MEOX2: variants seen among roughly 807,000 people sequenced by gnomAD.
MEOX2 encodes the protein mesenchyme homeobox 2.
Under a neutral mutation model 27.0 loss-of-function variants are expected in MEOX2, and 11 were observed. That is an observed-to-expected ratio of 0.41 (90% CI 0.26 to 0.68). The LOEUF is 0.68. MEOX2 is among the 30% of genes least tolerant of loss of function. The probability of loss-of-function intolerance (pLI) is 0.33; values close to 1 mark genes in which losing one functional copy is unlikely to be tolerated. For missense variants in MEOX2, 436 were observed against 385.4 expected (o/e 1.13, Z -1.10); for synonymous variants, 189 against 155.4 (o/e 1.22, Z -1.61).
At chr7:15,638,562 G>A (rs1035699108) in intron 1 of MEOX2, among the ~76,000 whole-genome samples, 20 of 152,058 alleles carry the variant, frequency 1.3e-4, no homozygotes, top group African/African-American at 4.6e-4. Flanking sequence ...TTGCATAATC[G>A]TAAGGTTTGG....
At chr7:15,634,680 G>C (rs1007682191) in intron 1 of MEOX2, among the ~76,000 whole-genome samples, 2 of 151,858 alleles carry the variant, frequency 1.3e-5, no homozygotes, top group Admixed American at 6.6e-5. Context: ...TTTTAGGAAT[G>C]ACCAACATGA....
At chr7:15,639,897 A>G (rs1209667593) in intron 1 of MEOX2, among the ~76,000 whole-genome samples, 1 of 151,850 alleles carries the variant, frequency 6.6e-6, no homozygotes, top group East Asian at 1.9e-4. Context: ...GTAATGTCAT[A>G]TCCCCAGTTT....
intron 1 of MEOX2, among the ~76,000 whole-genome samples, chr7:15,632,139 A>G (rs2389537): frequency 0.78 from 117,645 of 151,556 alleles, 45,883 homozygotes; most frequent in East Asian, 0.89. Flanking sequence ...TTTCCTTGGC[A>G]TTGCATTGCA....
At chr7:15,621,873 C>T (rs186859922) in intron 2 of MEOX2, among the ~76,000 whole-genome samples, 4 of 152,178 alleles carry the variant, frequency 2.6e-5, no homozygotes, top group African/African-American at 9.7e-5. Flanking sequence ...AATCTCAGCA[C>T]TTTGGGAGGC....
In MEOX2 at chr7:15,686,461, C is replaced by T. The variant is rs1782388332; in HGVS notation, c.-59G>A. The T allele has an allele frequency of 3.5e-6, 5 of 1,431,494 alleles. No homozygotes were observed. In the East Asian group the frequency reaches 1.3e-4, roughly 36 times the overall value. The allele number at this position is 1,431,494 out of a possible 1,614,324, so 88.7% of individuals were successfully genotyped here. ...TCACGGCGGTTCCAAAGGCCACCAC[C>T]CTCTGTCACTTTTTCACTGGAAACC... On this transcript the variant is annotated 5_prime_UTR_variant, in exon 1 of 3. Transcript: ENST00000262041.
chr7:15,615,380 G>GTT (rs1245768716), intron 2 of MEOX2, among the ~76,000 whole-genome samples: 1 of 150,956 alleles, frequency 6.6e-6, no homozygotes, highest in Non-Finnish European at 1.5e-5. Flanking sequence ...TTGTTTGTTT[G>GTT]TTTTGGTTCC....
intron 1 of MEOX2, among the ~76,000 whole-genome samples, chr7:15,661,776 C>A (rs1197031350): frequency 6.6e-6 from 1 of 152,124 alleles, no homozygotes; most frequent in Non-Finnish European, 1.5e-5. Context: ...CGTTCAAAAC[C>A]TAAGCCTGTG....
rs771904895 is a variant in MEOX2, at chr7:15,626,710, T to TA, written c.690+35dup. On this transcript the variant is annotated intron_variant, in intron 2 of 2. Coordinates refer to ENST00000262041, the MANE Select transcript of MEOX2 (RefSeq NM_005924.5). ...AAGAAGACTGTGGACCCAGGGCAAT[T>TA]AAAAAAGATCATATAATGATAATGC... 5 of 1,525,058 alleles carry TA rather than the reference T, an allele frequency of 3.3e-6. No homozygotes were observed. The East Asian group carries it at 9.1e-5, about 28-fold the overall frequency. The allele number at this position is 1,525,058 out of a possible 1,614,324, so 94.5% of individuals were successfully genotyped here.
chr7:15,654,886 A>C (rs1413874357), intron 1 of MEOX2, among the ~76,000 whole-genome samples: 1 of 151,710 alleles, frequency 6.6e-6, no homozygotes, highest in African/African-American at 2.4e-5. Context: ...TATTACAATA[A>C]TACTATCTTT....
At chr7:15,633,703 A>G (rs1448871000) in intron 1 of MEOX2, among the ~76,000 whole-genome samples, 2 of 151,826 alleles carry the variant, frequency 1.3e-5, no homozygotes, top group African/African-American at 4.8e-5. Flanking sequence ...AGTCGCTTTA[A>G]TGTATTTTTA....
At chr7:15,680,352 C>T (rs773592489) in intron 1 of MEOX2, 8 of 151,844 alleles carry the variant, frequency 5.3e-5, no homozygotes, top group South Asian at 2.1e-4. Flanking sequence ...GTAAGTAAAA[C>T]GGGAAGAACT....
chr7:15,666,370 G>C (rs1414281810), intron 1 of MEOX2, among the ~76,000 whole-genome samples: 2 of 152,084 alleles, frequency 1.3e-5, no homozygotes, highest in African/African-American at 4.8e-5. Context: ...TTTATCTAAT[G>C]ATGTCCTAGG....
intron 1 of MEOX2, among the ~76,000 whole-genome samples, chr7:15,640,807 G>C (rs1010265068): frequency 1.3e-5 from 2 of 152,002 alleles, no homozygotes; most frequent in African/African-American, 4.8e-5. Flanking sequence ...TTTTAATTCT[G>C]TTTACATAGT....
intron 2 of MEOX2, among the ~76,000 whole-genome samples, chr7:15,626,228 G>A (rs1286544919): frequency 6.6e-6 from 1 of 152,138 alleles, no homozygotes; most frequent in East Asian, 1.9e-4. Context: ...TAAAGAGTCA[G>A]AATGGGTCTG....
intron 1 of MEOX2, chr7:15,679,594 C>G (rs1782260419): frequency 6.6e-6 from 1 of 151,746 alleles, no homozygotes; most frequent in Non-Finnish European, 1.5e-5. Flanking sequence ...GAGTTACTAC[C>G]TAGTAAAAAT....
chr7:15,672,588 T>A (rs1782117164), intron 1 of MEOX2, among the ~76,000 whole-genome samples: 1 of 152,108 alleles, frequency 6.6e-6, no homozygotes, highest in Non-Finnish European at 1.5e-5. Flanking sequence ...GTATTTCACT[T>A]TAGAAAGTAT....
chr7:15,662,734 G>C (rs1781937433), intron 1 of MEOX2, among the ~76,000 whole-genome samples: 1 of 152,126 alleles, frequency 6.6e-6, no homozygotes, highest in African/African-American at 2.4e-5. Flanking sequence ...TAAAAGTGCA[G>C]TGACTGGGAG....
At chr7:15,647,204 A>G (rs1781664786) in intron 1 of MEOX2, among the ~76,000 whole-genome samples, 1 of 152,072 alleles carries the variant, frequency 6.6e-6, no homozygotes, top group South Asian at 2.1e-4. Flanking sequence ...TTCTGTTGAG[A>G]AAAAGGTAAT....
Position 15,612,222 on chromosome 7 carries a change from CTT to C in MEOX2, c.*163_*164del, listed in dbSNP as rs1328158056. 3 of 631,414 alleles carry C rather than the reference CTT, an allele frequency of 4.8e-6. No homozygotes were observed. The highest frequency in any genetic ancestry group is 5.8e-5 in the Admixed American group (2 of 34,416). The allele number at this position is 631,414 out of a possible 1,614,324, so 39.1% of individuals were successfully genotyped here. A position where few individuals can be genotyped will look rare whatever the true frequency, so the allele number is the denominator to read the frequency against. On this transcript the variant is annotated 3_prime_UTR_variant, in exon 3 of 3. Transcript: ENST00000262041. The stretch of plus-strand genomic sequence containing the variant: ...TGTGGAAGCTCTTTAATAAGTGGCA[CTT>C]TGTGTAAACCCTCTATAAATCATGA...
Sources: allele counts gnomAD v4.1 joint callset (sites outside exome capture counted in the v4.1 genomes callset), GRCh38; gene constraint gnomAD v4.1.1; transcripts MANE v1.5; gene names NCBI Gene and HGNC (gene_info 2026-07-23, HGNC 2026-07-21).